The following MIPOL1 variants were observed in gnomAD, a reference collection of about 807,000 sequenced individuals.
MIPOL1 encodes the protein mirror-image polydactyly gene 1 protein.
MIPOL1 carries 57 observed loss-of-function variants against 60.9 expected under a neutral mutation model. The observed-to-expected ratio is 0.94, with a 90% CI of 0.76 to 1.17. MIPOL1 has a LOEUF of 1.17. MIPOL1 is among the 50% of genes most tolerant of loss of function. The probability of loss-of-function intolerance (pLI) is 0.00; values close to 1 mark genes in which losing one functional copy is unlikely to be tolerated. For synonymous variants in MIPOL1, 179 were observed against 168.8 expected (o/e 1.06, Z -0.47); for missense variants, 551 against 511.6 (o/e 1.08, Z -0.74).
chr14:37,340,066 A>G (rs527950847), intron 9 of MIPOL1, among the ~76,000 whole-genome samples: 2 of 152,170 alleles, frequency 1.3e-5, no homozygotes, highest in African/African-American at 4.8e-5. Context: ...TGTTTAATAC[A>G]TTTTTTCTTT....
chr14:37,342,910 T>C (rs1407912878), intron 9 of MIPOL1, among the ~76,000 whole-genome samples: 1 of 52,342 alleles, frequency 1.9e-5, no homozygotes, highest in Admixed American at 2.9e-4. Flanking sequence ...GTTTAAAATA[T>C]GAATATAAAT....
intron 11 of MIPOL1, among the ~76,000 whole-genome samples, chr14:37,447,874 A>T (rs1421259556): frequency 6.6e-6 from 1 of 152,244 alleles, no homozygotes; most frequent in Non-Finnish European, 1.5e-5. Context: ...ATTGGTACCT[A>T]TCTTTTTAAT....
At chr14:37,425,343 A>G (rs1055474792) in intron 11 of MIPOL1, among the ~76,000 whole-genome samples, 1 of 152,184 alleles carries the variant, frequency 6.6e-6, no homozygotes. Flanking sequence ...TCATTTTTGA[A>G]AATCATAAAG....
chr14:37,498,718 C>T (rs2095170428), intron 11 of MIPOL1, among the ~76,000 whole-genome samples: 1 of 152,110 alleles, frequency 6.6e-6, no homozygotes, highest in African/African-American at 2.4e-5. Flanking sequence ...AGTCCGTATT[C>T]TTAGGGGTTT....
intron 9 of MIPOL1, among the ~76,000 whole-genome samples, chr14:37,316,168 A>T (rs923754319): frequency 1.1e-4 from 16 of 151,924 alleles, no homozygotes; most frequent in Admixed American, 9.2e-4. Flanking sequence ...CTGGGATTAC[A>T]GGCCTGCACC....
intron 8 of MIPOL1, 82 bp from the exon 9 acceptor site, chr14:37,308,267 C>A: frequency 8.0e-7 from 1 of 1,253,478 alleles, no homozygotes; most frequent in Non-Finnish European, 1.1e-6. Flanking sequence ...TTACAATTCA[C>A]ATGTGCCTAT....
chr14:37,221,602 T>G (rs535923615), intron 1 of MIPOL1, among the ~76,000 whole-genome samples: 8 of 152,212 alleles, frequency 5.3e-5, no homozygotes, highest in African/African-American at 1.7e-4. Flanking sequence ...AGCAGGCACA[T>G]CTTCACATTG....
chr14:37,393,729 T>A (rs2093306975), intron 10 of MIPOL1, among the ~76,000 whole-genome samples: 1 of 151,622 alleles, frequency 6.6e-6, no homozygotes, highest in African/African-American at 2.4e-5. Context: ...GTTTTTGGGG[T>A]ACAGGTGGTA....
At chr14:37,487,051 T>A (rs544008759) in intron 11 of MIPOL1, among the ~76,000 whole-genome samples, 5 of 152,188 alleles carry the variant, frequency 3.3e-5, no homozygotes, top group Admixed American at 2.6e-4. Flanking sequence ...TTAAGGGGTG[T>A]TGAATTTTGT....
At chr14:37,391,930 A>G (rs1395798723) in intron 10 of MIPOL1, among the ~76,000 whole-genome samples, 2 of 152,132 alleles carry the variant, frequency 1.3e-5, no homozygotes, top group Non-Finnish European at 2.9e-5. Flanking sequence ...GAACTAATGA[A>G]GGGGGAAAGT....
At chr14:37,284,314 C>T (rs2084369062) in intron 6 of MIPOL1, among the ~76,000 whole-genome samples, 1 of 151,944 alleles carries the variant, frequency 6.6e-6, no homozygotes, top group South Asian at 2.1e-4. Flanking sequence ...TTTATACTTT[C>T]CATGATCATT....
chr14:37,521,896 A>C (rs2095415709), intron 12 of MIPOL1, among the ~76,000 whole-genome samples: 1 of 33,748 alleles, frequency 3.0e-5, no homozygotes, highest in African/African-American at 1.4e-4. Context: ...AAAAAAAAAT[A>C]TATATATATA....
At chr14:37,438,629 T>G (rs981575421) in intron 11 of MIPOL1, among the ~76,000 whole-genome samples, 1 of 152,190 alleles carries the variant, frequency 6.6e-6, no homozygotes, top group African/African-American at 2.4e-5. Context: ...CTTGACATGT[T>G]TATTGCACAA....
At chr14:37,529,819 CG>C (rs570200225) in intron 12 of MIPOL1, among the ~76,000 whole-genome samples, 58 of 152,218 alleles carry the variant, frequency 3.8e-4, no homozygotes, top group African/African-American at 1.4e-3. Context: ...CTGGCAGGAG[CG>C]GAGGCTCCTG....
chr14:37,509,703 AT>A (rs1324966320), intron 12 of MIPOL1, among the ~76,000 whole-genome samples: 5 of 56,796 alleles, frequency 8.8e-5, no homozygotes, highest in African/African-American at 4.9e-4. Context: ...GGTGATATAT[AT>A]GTATGTTTAT....
chr14:37,543,285 AT>A (rs199549010), intron 12 of MIPOL1, among the ~76,000 whole-genome samples: 48 of 150,972 alleles, frequency 3.2e-4, no homozygotes, highest in East Asian at 7.8e-4. Context: ...TTATTTTATT[AT>A]TTTTTTTTAG....
At chr14:37,309,303 C>T (rs1416418338) in intron 9 of MIPOL1, among the ~76,000 whole-genome samples, 1 of 151,760 alleles carries the variant, frequency 6.6e-6, no homozygotes, top group Non-Finnish European at 1.5e-5. Context: ...CTTTTTCACT[C>T]CCTAAATACC....
intron 12 of MIPOL1, among the ~76,000 whole-genome samples, chr14:37,536,449 T>G (rs1347147764): frequency 1.3e-5 from 2 of 152,180 alleles, no homozygotes; most frequent in Non-Finnish European, 2.9e-5. Context: ...AGTTAAAGCT[T>G]TGTACTGTAA....
At chr14:37,218,458 G>T (rs10135427) in intron 1 of MIPOL1, among the ~76,000 whole-genome samples, 59,413 of 151,828 alleles carry the variant, frequency 0.39, 13,857 homozygotes, top group Non-Finnish European at 0.52. Flanking sequence ...AAAGTGCTGG[G>T]ATCACAGACG....
Sources: gnomAD v4.1 joint callset for allele counts (sites outside exome capture counted in the v4.1 genomes callset) on GRCh38, gnomAD v4.1.1 for gene constraint, MANE v1.5 for transcripts, NCBI Gene and HGNC (gene_info 2026-07-23, HGNC 2026-07-21) for gene names.